The following PSMG2 variants were observed in gnomAD, a reference collection of about 807,000 sequenced individuals.
PSMG2 encodes the protein proteasome assembly chaperone 2.
A neutral mutation model predicts 31.5 loss-of-function variants in PSMG2; 21 were observed. That is an observed-to-expected ratio of 0.67 (90% CI 0.47 to 0.96). PSMG2 has a LOEUF of 0.96. Ranked by LOEUF, PSMG2 falls within the 40% of genes least tolerant of loss-of-function variation. The pLI, the probability that PSMG2 is intolerant of heterozygous loss-of-function variation, is 0.00. For synonymous variants in PSMG2, 120 were observed against 110.4 expected (o/e 1.09, Z -0.54); for missense variants, 318 against 321.2 (o/e 0.99, Z 0.08).
In PSMG2 at chr18:12,725,445, GACCCC is replaced by G; in HGVS notation, c.712_716del (p.Pro238SerfsTer28). The stretch of plus-strand genomic sequence containing the variant: ...TTTTGTTCTTCAATTACAGAGCGAT[GACCCC>G]ACAGTATCTGCCTCACGGTGGAAAA... On this transcript the variant is annotated frameshift_variant, in exon 7 of 7. Transcript: ENST00000317615. LOFTEE classifies it high-confidence loss of function. 6.3e-7 allele frequency: 1 copy of G among 1,584,648 alleles called. No homozygotes were observed. Among genetic ancestry groups the G allele is most frequent in the Non-Finnish European group, 8.7e-7 (1 of 1,155,506 alleles).
chr18:12,702,730 CCGGCGGCGG>C (rs1170610508), upstream of PSMG2: 1 of 650,756 alleles, frequency 1.5e-6, no homozygotes, highest in African/African-American at 1.9e-5. Flanking sequence ...AAATGAGGCC[CCGGCGGCGG>C]CGGCGCCAAC....
At position 12,671,775 on chromosome 18, in the gene PSMG2, G is replaced by A. The variant is rs746502344; in HGVS notation, c.-37+13002G>A. Among the ~76,000 whole-genome samples the A allele has an allele frequency of 2.1e-4, 32 of 150,904 alleles. 1 individual carries two copies. Among genetic ancestry groups the A allele is most frequent in the Non-Finnish European group, 4.6e-4 (31 of 67,876 alleles). On this transcript the variant is annotated intron_variant, in intron 1 of 6. Coordinates refer to the PSMG2 transcript ENST00000585331. ...TCCGCCTCAGACTCCCGAGTAGCTT[G>A]GATTATGGGTGTGTGACACCATGCC... is the stretch of plus-strand genomic sequence containing the variant.
chr18:12,723,580 C>T lies in PSMG2; in HGVS notation c.582-919C>T, dbSNP rs568313605. ...CTAATTTTTATATTTTTAGTAGAGA[C>T]GGGGTTTCACCATGTTGGCCAGGCT... On this transcript the variant is annotated intron_variant, in intron 5 of 6. Coordinates refer to ENST00000317615, the MANE Select transcript of PSMG2 (RefSeq NM_020232.5). Among the ~76,000 whole-genome samples, 15 of 152,136 alleles carry T rather than the reference C, an allele frequency of 9.9e-5. No individual in the cohort carries two copies. The South Asian group carries it at 1.7e-3, about 17-fold the overall frequency.
intron 5 of PSMG2, 41 bp from the exon 6 acceptor site, chr18:12,724,458 C>A: frequency 6.4e-7 from 1 of 1,550,484 alleles, no homozygotes; most frequent in Non-Finnish European, 8.7e-7. Context: ...AGCTCTTGTA[C>A]CCTATGAAAG....
intron 1 of PSMG2, chr18:12,674,605 T>G: frequency 1.2e-6 from 2 of 1,614,162 alleles, no homozygotes; most frequent in Non-Finnish European, 1.7e-6. Context: ...TTTAAATGTG[T>G]GACCATCAGG....
At chr18:12,718,852 A>G (rs958768828) in intron 4 of PSMG2, among the ~76,000 whole-genome samples, 6 of 152,162 alleles carry the variant, frequency 3.9e-5, no homozygotes, top group Admixed American at 2.0e-4. Context: ...CATGGGGAAG[A>G]CATCGTGTAG....
upstream of PSMG2, chr18:12,700,378 C>G (rs1790293194): frequency 6.6e-6 from 1 of 152,582 alleles, no homozygotes; most frequent in Admixed American, 6.5e-5. Context: ...TGAAGTCCAT[C>G]CAATTTTCAC....
chr18:12,659,245 T>G (rs1236572488), intron 1 of PSMG2, among the ~76,000 whole-genome samples: 1 of 147,056 alleles, frequency 6.8e-6, no homozygotes, highest in Non-Finnish European at 1.5e-5. Flanking sequence ...TCTCAACAAT[T>G]GCATCTTGCG....
rs1598638707 is a variant in PSMG2 at position 12,686,603 on chromosome 18, A to G, written c.-36-19947A>G. On this transcript the variant is annotated intron_variant, in intron 1 of 6. Coordinates refer to the PSMG2 transcript ENST00000585331. ...TATTTGGCTGCAAAGTGCTGTGTAT[A>G]TAATTTCCCTTAATCCTCATCTCCG... The G allele has an allele frequency of 5.4e-6, 3 of 555,622 alleles. No homozygotes were observed. The East Asian group carries it at 9.5e-5, about 18-fold the overall frequency. 34.4% of individuals were successfully genotyped at this position (555,622 alleles called of 1,614,324 possible).
chr18:12,720,358 A>AGTAG, intron 4 of PSMG2, 152 bp from the exon 5 acceptor site: 4 of 587,096 alleles, frequency 6.8e-6, no homozygotes, highest in Non-Finnish European at 1.1e-5. Context: ...TAAGTAAGTA[A>AGTAG]GTAGCAAATC....
intron 2 of PSMG2, among the ~76,000 whole-genome samples, chr18:12,711,996 A>T (rs1382781318): frequency 6.6e-6 from 1 of 151,918 alleles, no homozygotes; most frequent in Non-Finnish European, 1.5e-5. Context: ...TGACCTTGTG[A>T]TCCACCTGCC....
At chr18:12,681,256 AT>A (rs34816720) in intron 1 of PSMG2, among the ~76,000 whole-genome samples, 9,390 of 115,290 alleles carry the variant, frequency 0.081, 395 homozygotes, top group African/African-American at 0.17. Flanking sequence ...AAAGTAGAAC[AT>A]TTTTTTTTTT....
At chr18:12,694,589 C>G (rs1189661819) in intron 1 of PSMG2, among the ~76,000 whole-genome samples, 1 of 152,190 alleles carries the variant, frequency 6.6e-6, no homozygotes, top group East Asian at 1.9e-4. Flanking sequence ...CCTGAGAGAA[C>G]AGAGCAGAAA....
In PSMG2 at chr18:12,709,500, A is replaced by ATT. The variant is rs113951918; in HGVS notation, c.229+2793_229+2794dup. Among the ~76,000 whole-genome samples the ATT allele has an allele frequency of 3.3e-3, 432 of 130,426 alleles. 1 individual carries two copies. Among genetic ancestry groups the ATT allele is most frequent in the Non-Finnish European group, 4.8e-3 (287 of 59,664 alleles). The allele number at this position is 130,426 out of a possible 152,430, so 85.6% of individuals were successfully genotyped here. ...CACCACACACCCAGCTAATTCTTGT[A>ATT]TTTTTTTTTTTTTTTGACAGAGAGT... On this transcript the variant is annotated intron_variant, in intron 2 of 6. Transcript: ENST00000317615.
At chr18:12,698,905 T>A, upstream of PSMG2, 1 of 1,092,438 alleles carries the variant, frequency 9.2e-7, no homozygotes, top group East Asian at 2.5e-5. Context: ...ACAGAAAAAG[T>A]CATTATTATT....
intron 1 of PSMG2, chr18:12,662,265 A>C (rs1406189970): frequency 2.4e-6 from 1 of 420,314 alleles, no homozygotes; most frequent in Non-Finnish European, 4.7e-6. Context: ...TACCTTATAC[A>C]TCTGTAGTGC....
intron 2 of PSMG2, among the ~76,000 whole-genome samples, chr18:12,710,550 C>G (rs969561899): frequency 6.6e-6 from 1 of 151,962 alleles, no homozygotes; most frequent in Non-Finnish European, 1.5e-5. Flanking sequence ...TTTTTCATCA[C>G]AAACCGATTT....
chr18:12,680,850 A>G, intron 1 of PSMG2: 1 of 1,589,622 alleles, frequency 6.3e-7, no homozygotes, highest in Non-Finnish European at 8.6e-7. Context: ...ATTAAAATGA[A>G]GTATTCATTC....
chr18:12,703,026 G>T, upstream of PSMG2: 7 of 1,498,776 alleles, frequency 4.7e-6, no homozygotes, highest in Non-Finnish European at 6.3e-6. Context: ...GCGAGGCTCC[G>T]GGGTCTCGGG....
Sources: gnomAD v4.1 joint callset for allele counts (sites outside exome capture counted in the v4.1 genomes callset) on GRCh38, gnomAD v4.1.1 for gene constraint, MANE v1.5 for transcripts, NCBI Gene and HGNC (gene_info 2026-07-23, HGNC 2026-07-21) for gene names.